ZNF839: variants seen among roughly 807,000 people sequenced by gnomAD.
ZNF839 encodes zinc finger protein 839.
A neutral mutation model predicts 56.4 loss-of-function variants in ZNF839; 38 were observed. The observed-to-expected ratio is 0.67, with a 90% CI of 0.52 to 0.88. The LOEUF (loss-of-function observed/expected upper bound fraction) is 0.88. Among genes scored for constraint, ZNF839 ranks in the 40% least tolerant of loss-of-function variants. The pLI is 0.00. For synonymous variants in ZNF839, 486 were observed against 493.5 expected, an observed-to-expected ratio of 0.98 and a Z score of 0.20; for missense variants, 1,091 against 1,177.6, an observed-to-expected ratio of 0.93 and a Z score of 1.08.
chr14:102,330,448 A>C (rs1396557607), intron 2 of ZNF839, among the ~76,000 whole-genome samples: 1 of 150,964 alleles, frequency 6.6e-6, no homozygotes, highest in African/African-American at 2.4e-5. Flanking sequence ...TGGCCAGGCT[A>C]GTCTCAAACT....
rs1886612063 is a variant in ZNF839, at chr14:102,342,206, T to A, written c.*27T>A. ...AGGAGTTCCTCTAGAAGCTGTGGAG[T>A]CGGTCGTCACCGTGGAGCCAGAGCC... On this transcript the variant is annotated 3_prime_UTR_variant, in exon 8 of 8. Coordinates refer to ENST00000442396, the MANE Select transcript of ZNF839 (RefSeq NM_018335.6). 1 of 1,565,198 alleles carries A rather than the reference T, an allele frequency of 6.4e-7. No individual in the cohort carries two copies. Among genetic ancestry groups the A allele is most frequent in the Admixed American group, 1.8e-5 (1 of 55,448 alleles).
chr14:102,319,783 GGAGGCTGGGGGCGGCAGC>G lies in ZNF839; in HGVS notation c.23_40del (p.Ala8_Glu13del). ...CGGCCGCCATGGCGGATGCGGAGCCGGAGGCTGGGGGCGGCAGCGAGGATGGCGGCGGCGGCGGCGGCC... is the reference window on the plus strand; with the variant it reads ...CGGCCGCCATGGCGGATGCGGAGCCGGAGGATGGCGGCGGCGGCGGCGGCC... On this transcript the variant is annotated inframe_deletion, in exon 1 of 8. Coordinates refer to ENST00000442396, the MANE Select transcript of ZNF839 (RefSeq NM_018335.6). The surrounding 1 kb of genome is among the most constrained non-coding windows in gnomAD (Gnocchi z 4.5). 4.1e-6 allele frequency: 5 copies of G among 1,231,910 alleles called. No individual in the cohort carries two copies. Among genetic ancestry groups the G allele is most frequent in the Non-Finnish European group, 5.1e-6 (5 of 987,992 alleles). The allele number at this position is 1,231,910 out of a possible 1,614,324, so 76.3% of individuals were successfully genotyped here.
rs377429509 is a variant in ZNF839, at chr14:102,331,407, C to G, written c.1192-215C>G. On this transcript the variant is annotated intron_variant, in intron 2 of 7. Transcript: ENST00000442396. The stretch of plus-strand genomic sequence containing the variant: ...AGGACTACAGGCGCGCGCCACCGCG[C>G]CTGGCTAATTTTTTGTATTCTTAGT... 2.4e-5 allele frequency: 12 copies of G among 494,094 alleles called. 1 individual carries two copies. Among genetic ancestry groups the G allele is most frequent in the East Asian group, 7.4e-5 (2 of 27,174 alleles). The allele number at this position is 494,094 out of a possible 1,614,324, so 30.6% of individuals were successfully genotyped here.
rs541547363 is a variant in ZNF839 at position 102,339,836 on chromosome 14, C to T, written c.1927+613C>T. Among the ~76,000 whole-genome samples the T allele has an allele frequency of 4.6e-3, 692 of 151,960 alleles. 8 individuals carry two copies. The highest frequency in any genetic ancestry group is 0.016 in the African/African-American group (656 of 41,438). On this transcript the variant is annotated intron_variant, in intron 7 of 7. Coordinates refer to ENST00000442396, the MANE Select transcript of ZNF839 (RefSeq NM_018335.6). ...TTAGGCTGAGACGGGTCCCAGGACACATCCATCTATGGCTTGGCTTTCATG... is the reference window on the plus strand; with the variant it reads ...TTAGGCTGAGACGGGTCCCAGGACATATCCATCTATGGCTTGGCTTTCATG...
At chr14:102,324,352 G>C (rs1345227440) in intron 1 of ZNF839, among the ~76,000 whole-genome samples, 2 of 152,140 alleles carry the variant, frequency 1.3e-5, no homozygotes, top group African/African-American at 4.8e-5. Context: ...AGACCACCCT[G>C]ACCAACATGG....
rs2073386225 is a variant in ZNF839 at position 102,325,990 on chromosome 14, A to T, written c.294A>T (p.Leu98=). Reference sequence around the variant, plus strand: ...CTTGTCTTTCTGTACGTAAGCAACTAGAAGCCATTTGTGTCAAGGTAACGT... The same window carrying T: ...CTTGTCTTTCTGTACGTAAGCAACTTGAAGCCATTTGTGTCAAGGTAACGT... ...RLPRLLPPQQ[L]EAICVKVTSG... is the part of the protein sequence containing the mutation. The change falls in exon 2 of 8, where the codon CTA becomes CTT. Residue 98 remains leucine (L), a synonymous_variant. Coordinates refer to ENST00000442396, the MANE Select transcript of ZNF839 (RefSeq NM_018335.6). 6.2e-7 allele frequency: 1 copy of T among 1,611,908 alleles called. No homozygotes were observed. Among genetic ancestry groups the T allele is most frequent in the African/African-American group, 1.3e-5 (1 of 74,914 alleles).
In ZNF839 at chr14:102,338,734, G is replaced by C. The variant is rs190836100; in HGVS notation, c.1660-82G>C. 3.2e-6 allele frequency: 5 copies of C among 1,582,158 alleles called. No individual in the cohort carries two copies. In the Admixed American group the frequency reaches 8.8e-5, roughly 28 times the overall value. On this transcript the variant is annotated intron_variant, in intron 5 of 7. Transcript: ENST00000442396. Reference sequence around the variant, plus strand: ...TTTGTAGATTTAATTCTATGAAGTCGTTTAATTCTTGCATGTGAATGTGCT... The same window carrying C: ...TTTGTAGATTTAATTCTATGAAGTCCTTTAATTCTTGCATGTGAATGTGCT...
chr14:102,328,375 A>AATATATATATATATATATAT (rs71116898), intron 2 of ZNF839, among the ~76,000 whole-genome samples: 3 of 16,348 alleles, frequency 1.8e-4, no homozygotes, highest in South Asian at 2.8e-3. Context: ...AAAAAAAAAA[A>AATATATATATATATATATAT]ATATATATAT....
intron 5 of ZNF839, among the ~76,000 whole-genome samples, chr14:102,338,539 GAAAAAAAAAAAA>G (rs954011615): frequency 2.2e-4 from 7 of 32,076 alleles, no homozygotes; most frequent in African/African-American, 5.4e-4. Context: ...CTCTGTCTCA[GAAAAAAAAAAAA>G]AAAAAAAAAA....
rs1328250588 is a variant in ZNF839 at position 102,332,256 on chromosome 14, C to T, written c.1416+410C>T. Among the ~76,000 whole-genome samples the T allele has an allele frequency of 7.2e-5, 11 of 152,102 alleles. No individual in the cohort carries two copies. Among genetic ancestry groups the T allele is most frequent in the Non-Finnish European group, 1.5e-4 (10 of 68,022 alleles). ...TCAAGCGATTCTCCTTCCTTAGCCT[C>T]CTGGGTAGCTTGGATTACAAGCGCC... is the stretch of plus-strand genomic sequence containing the variant. On this transcript the variant is annotated intron_variant, in intron 3 of 7. Coordinates refer to ENST00000442396, the MANE Select transcript of ZNF839 (RefSeq NM_018335.6). The surrounding 1 kb of genome is among the most constrained non-coding windows in gnomAD (Gnocchi z 4.9).
chr14:102,338,255 G>A (rs368617295), intron 5 of ZNF839, among the ~76,000 whole-genome samples: 39 of 152,030 alleles, frequency 2.6e-4, no homozygotes, highest in African/African-American at 9.2e-4. Context: ...AGACTGTTCT[G>A]GGCTGAGCAC....
intron 1 of ZNF839, 46 bp from the exon 2 acceptor site, chr14:102,325,939 A>G: frequency 1.9e-6 from 3 of 1,575,544 alleles, no homozygotes; most frequent in Non-Finnish European, 1.7e-6. Flanking sequence ...AGACATGTTC[A>G]TAAGCACAAT....
At position 102,341,667 on chromosome 14, in the gene ZNF839, T is replaced by A; in HGVS notation, c.2272T>A (p.Ser758Thr). Residue 758 changes from serine (S) to threonine (T), a missense_variant, in exon 8 of 8, where the codon TCC becomes ACC. Coordinates refer to ENST00000442396, the MANE Select transcript of ZNF839 (RefSeq NM_018335.6). ...SPLSSGGGAE[S>T]LPPGGPGHAE... ...TTTGTCATCTGGTGGTGGAGCAGAGTCCCTGCCGCCTGGGGGGCCTGGACA... is the reference window on the plus strand; with the variant it reads ...TTTGTCATCTGGTGGTGGAGCAGAGACCCTGCCGCCTGGGGGGCCTGGACA... The A allele has an allele frequency of 6.2e-7, 1 of 1,613,776 alleles. No individual in the cohort carries two copies.
intron 3 of ZNF839, among the ~76,000 whole-genome samples, chr14:102,333,090 A>C (rs1009333798): frequency 1.3e-5 from 2 of 152,158 alleles, no homozygotes; most frequent in Admixed American, 6.5e-5. Flanking sequence ...TCAGCTGGCC[A>C]CTTCTTTCAA....
Position 102,342,174 on chromosome 14 carries a change from C to T in ZNF839, c.2779C>T (p.Arg927Cys), listed in dbSNP as rs201035007. The T allele has an allele frequency of 3.1e-6, 5 of 1,602,670 alleles. No homozygotes were observed. The highest frequency in any genetic ancestry group is 2.2e-5 in the East Asian group (1 of 44,654). The stretch of plus-strand genomic sequence containing the variant: ...AGAGGGGCGTGCCTGCGGATGGGCC[C>T]GCTAGAAGGAGTTCCTCTAGAAGCT... ...DAEGRACGWA[R>C] Residue 927 changes from arginine (R) to cysteine (C), a missense_variant, in exon 8 of 8, where the codon CGC (arginine) becomes TGC (cysteine). This residue lies in a region of ZNF839 where 431 missense variants were observed against 468.0 expected (regional missense o/e 0.92). Transcript: ENST00000442396.
At position 102,341,843 on chromosome 14, in the gene ZNF839, G is replaced by T; in HGVS notation, c.2448G>T (p.Arg816Ser). ...VDSVAVDCAY[R>S]TVPKPGPQPG... ...GCGTGGCAGTGGACTGTGCCTACAG[G>T]ACTGTGCCCAAGCCAGGGCCTCAGC... Residue 816 changes from arginine (R) to serine (S), a missense_variant, in exon 8 of 8, where the codon AGG becomes AGT. By Grantham distance (110) the Arg-to-Ser change is moderately radical. This residue lies in a region of ZNF839 where 431 missense variants were observed against 468.0 expected (regional missense o/e 0.92). Coordinates refer to ENST00000442396, the MANE Select transcript of ZNF839 (RefSeq NM_018335.6). 1 of 1,614,030 alleles carries T rather than the reference G, an allele frequency of 6.2e-7. No homozygotes were observed. The highest frequency in any genetic ancestry group is 8.5e-7 in the Non-Finnish European group (1 of 1,179,898).
At chr14:102,329,160 G>C (rs1025735204) in intron 2 of ZNF839, among the ~76,000 whole-genome samples, 3 of 151,644 alleles carry the variant, frequency 2.0e-5, no homozygotes, top group Non-Finnish European at 4.4e-5. Flanking sequence ...TAGTAGAGAT[G>C]GGGTTTCACC....
intron 2 of ZNF839, 185 bp from the exon 3 acceptor site, chr14:102,331,437 A>T: frequency 1.8e-6 from 1 of 565,856 alleles, no homozygotes; most frequent in Non-Finnish European, 3.1e-6. Context: ...CTTAGTAGAG[A>T]TGGGGTTTCA....
chr14:102,329,360 G>A (rs2073651504), intron 2 of ZNF839, among the ~76,000 whole-genome samples: 1 of 152,002 alleles, frequency 6.6e-6, no homozygotes, highest in Non-Finnish European at 1.5e-5. Context: ...CATTGCTAGT[G>A]TTTAGAAATG....
Sources: gnomAD v4.1 joint callset for allele counts (sites outside exome capture counted in the v4.1 genomes callset) on GRCh38, gnomAD v4.1.1 for gene constraint, gnomAD v4.1.1 regional missense constraint, Gnocchi (gnomAD v3.1) non-coding constraint, MANE v1.5 for transcripts, NCBI Gene and HGNC (gene_info 2026-07-23, HGNC 2026-07-21) for gene names.